Variants in RBFOX1 observed in about 807,000 individuals in gnomAD.
The protein encoded by RBFOX1 is RNA binding protein fox-1 homolog 1.
Under a neutral mutation model 57.7 loss-of-function variants are expected in RBFOX1, and 8 were observed. The observed-to-expected ratio is 0.14, with a 90% CI of 0.08 to 0.25. RBFOX1 has a LOEUF of 0.25. Among genes scored for constraint, RBFOX1 ranks in the 10% least tolerant of loss-of-function variants. The pLI, the probability that RBFOX1 is intolerant of heterozygous loss-of-function variation, is 1.00. For synonymous variants in RBFOX1, 326 were observed against 222.4 expected, an observed-to-expected ratio of 1.47 and a Z score of -4.15; for missense variants, 611 against 548.5, an observed-to-expected ratio of 1.11 and a Z score of -1.14.
intron 3 of RBFOX1, among the ~76,000 whole-genome samples, chr16:5,810,223 C>T (rs958579497): frequency 1.3e-5 from 2 of 151,738 alleles, no homozygotes; most frequent in Non-Finnish European, 2.9e-5. Context: ...ATACCTAATG[C>T]TAAATGCTGA....
chr16:5,669,991 AT>A (rs1185022907), intron 3 of RBFOX1, among the ~76,000 whole-genome samples: 2 of 152,346 alleles, frequency 1.3e-5, no homozygotes, highest in South Asian at 2.1e-4. Context: ...ACAGCAGAGT[AT>A]TTTTTATCCA....
intron 2 of RBFOX1, among the ~76,000 whole-genome samples, chr16:6,366,882 G>C (rs973568572): frequency 2.0e-5 from 3 of 152,116 alleles, no homozygotes; most frequent in Non-Finnish European, 4.4e-5. Context: ...TCTCTCTATT[G>C]GGTCTCATTA....
At chr16:6,824,987 T>TTTG (rs1247614134) in intron 3 of RBFOX1, among the ~76,000 whole-genome samples, 17 of 67,494 alleles carry the variant, frequency 2.5e-4, no homozygotes, top group South Asian at 6.0e-4. Context: ...TTCTTGGTTT[T>TTTG]TTTTTTTTTT....
At chr16:7,505,788 C>G (rs1371095169) in intron 4 of RBFOX1, among the ~76,000 whole-genome samples, 2 of 152,154 alleles carry the variant, frequency 1.3e-5, no homozygotes, top group Non-Finnish European at 2.9e-5. Context: ...TGAAATGAGA[C>G]AAGTAGCTTT....
chr16:7,213,247 C>T (rs980541467), intron 4 of RBFOX1, among the ~76,000 whole-genome samples: 12 of 152,116 alleles, frequency 7.9e-5, no homozygotes, highest in African/African-American at 2.9e-4. Context: ...GTTTTTCCCC[C>T]TTTATCAGTG....
At chr16:5,437,725 T>G (rs1178394810) in intron 1 of RBFOX1, among the ~76,000 whole-genome samples, 1 of 152,192 alleles carries the variant, frequency 6.6e-6, no homozygotes. Flanking sequence ...GAAGAAACTG[T>G]CCTGCAATGG....
intron 2 of RBFOX1, among the ~76,000 whole-genome samples, chr16:6,348,642 G>T (rs544779420): frequency 2.6e-4 from 40 of 152,320 alleles, no homozygotes; most frequent in African/African-American, 9.4e-4. Flanking sequence ...GGAAGGCAAA[G>T]CAGGAGGAGG....
At chr16:6,441,731 CTT>C (rs2094386910) in intron 2 of RBFOX1, among the ~76,000 whole-genome samples, 1 of 152,076 alleles carries the variant, frequency 6.6e-6, no homozygotes, top group African/African-American at 2.4e-5. Context: ...TTCATTTTCT[CTT>C]ATTTCTGACT....
chr16:6,208,544 A>C (rs2097270511), intron 1 of RBFOX1, among the ~76,000 whole-genome samples: 1 of 152,152 alleles, frequency 6.6e-6, no homozygotes, highest in African/African-American at 2.4e-5. Context: ...TCTTACAGAC[A>C]CAATTCTCTC....
chr16:6,989,642 A>T (rs1473734398), intron 3 of RBFOX1, among the ~76,000 whole-genome samples: 1 of 152,214 alleles, frequency 6.6e-6, no homozygotes, highest in Non-Finnish European at 1.5e-5. Flanking sequence ...TGTCTGGAGA[A>T]TAAAGAAACA....
chr16:7,184,397 G>T (rs573226773), intron 4 of RBFOX1, among the ~76,000 whole-genome samples: 30 of 152,286 alleles, frequency 2.0e-4, no homozygotes, highest in Admixed American at 2.6e-4. Context: ...GAAGTCTAGG[G>T]GATACATGAT....
intron 2 of RBFOX1, among the ~76,000 whole-genome samples, chr16:6,369,476 T>C (rs868479190): frequency 6.6e-6 from 1 of 152,184 alleles, no homozygotes; most frequent in Non-Finnish European, 1.5e-5. Flanking sequence ...ATTCCTAGCA[T>C]TGAGGGAAGA....
At chr16:5,845,772 G>A (rs1291073425) in intron 3 of RBFOX1, among the ~76,000 whole-genome samples, 1 of 152,188 alleles carries the variant, frequency 6.6e-6, no homozygotes, top group Non-Finnish European at 1.5e-5. Context: ...CTTATTGGAT[G>A]GCACAGATAG....
intron 2 of RBFOX1, among the ~76,000 whole-genome samples, chr16:6,336,506 A>G (rs572926019): frequency 6.6e-6 from 1 of 152,136 alleles, no homozygotes; most frequent in South Asian, 2.1e-4. Context: ...CTTCCTACAG[A>G]GCTGATATCT....
intron 2 of RBFOX1, among the ~76,000 whole-genome samples, chr16:6,570,162 G>A (rs2097325443): frequency 6.6e-6 from 1 of 152,086 alleles, no homozygotes; most frequent in Non-Finnish European, 1.5e-5. Flanking sequence ...TTATATATTA[G>A]GAAACTTCAA....
intron 3 of RBFOX1, among the ~76,000 whole-genome samples, chr16:6,894,370 G>A (rs183835025): frequency 1.3e-5 from 2 of 152,262 alleles, no homozygotes; most frequent in East Asian, 3.9e-4. Context: ...TCATGGATGG[G>A]TGAAATGAAG....
intron 3 of RBFOX1, among the ~76,000 whole-genome samples, chr16:6,720,036 G>C (rs893452625): frequency 6.6e-6 from 1 of 152,014 alleles, no homozygotes; most frequent in Non-Finnish European, 1.5e-5. Flanking sequence ...AGAGGTTGCA[G>C]TGAGCCAAGA....
chr16:5,671,713 C>T (rs904208292), intron 3 of RBFOX1, among the ~76,000 whole-genome samples: 1 of 152,140 alleles, frequency 6.6e-6, no homozygotes, highest in Non-Finnish European at 1.5e-5. Context: ...CCTCTCTCAC[C>T]CTGTTATTTT....
At chr16:5,805,587 G>A (rs1338319555) in intron 3 of RBFOX1, among the ~76,000 whole-genome samples, 1 of 152,188 alleles carries the variant, frequency 6.6e-6, no homozygotes, top group Non-Finnish European at 1.5e-5. Context: ...TTTATCAAAA[G>A]GTTAAAGGAA....
Sources: allele counts gnomAD v4.1 joint callset (sites outside exome capture counted in the v4.1 genomes callset), GRCh38; gene constraint gnomAD v4.1.1; transcripts MANE v1.5; gene names NCBI Gene and HGNC (gene_info 2026-07-23, HGNC 2026-07-21).